ARFGEF2: variants seen among roughly 807,000 people sequenced by gnomAD.
ARFGEF2 encodes ARF guanine nucleotide exchange factor 2, also known as brefeldin A-inhibited guanine nucleotide-exchange protein 2.
In ARFGEF2, 74 loss-of-function variants were observed where a neutral mutation model predicts 219.9. That is an observed-to-expected ratio of 0.34 (90% CI 0.28 to 0.41). The LOEUF (loss-of-function observed/expected upper bound fraction) is 0.41, where lower values mean the gene tolerates loss of function less well. ARFGEF2 is among the 10% of genes least tolerant of loss of function. ARFGEF2 has a pLI of 1.00. For missense variants in ARFGEF2, 1,743 were observed against 2,218.3 expected, an observed-to-expected ratio of 0.79 and a Z score of 4.30; for synonymous variants, 733 against 799.2, an observed-to-expected ratio of 0.92 and a Z score of 1.40.
intron 21 of ARFGEF2, 115 bp downstream of exon 21, chr20:48,991,313 T>G: frequency 7.0e-7 from 1 of 1,434,110 alleles, no homozygotes; most frequent in South Asian, 1.2e-5. Context: ...TCACTGTACC[T>G]CATGTATCTG....
At chr20:48,982,532 G>A (rs1405864151) in intron 14 of ARFGEF2, among the ~76,000 whole-genome samples, 1 of 152,208 alleles carries the variant, frequency 6.6e-6, no homozygotes, top group African/African-American at 2.4e-5. Context: ...GCTGAGAGCT[G>A]TCAGACAGGG....
At chr20:49,032,971 C>A in intron 38 of ARFGEF2, 52 bp from the exon 39 acceptor site, 1 of 1,503,208 alleles carries the variant, frequency 6.7e-7, no homozygotes, top group Non-Finnish European at 9.2e-7. Context: ...AAAACTGGTG[C>A]CCAAAAAAAA....
rs770700652 is a variant in ARFGEF2 at position 48,941,924 on chromosome 20, A to T, written c.213A>T (p.Pro71=). Residue 71 remains proline (P), a synonymous_variant, in exon 3 of 39, where the codon CCA becomes CCT. Transcript: ENST00000371917. ...TTGAAGCTGACAAGTATTTTCTTCCATTCGAGCTAGCTTGCCAGTCCAAGT... is the reference window on the plus strand; with the variant it reads ...TTGAAGCTGACAAGTATTTTCTTCCTTTCGAGCTAGCTTGCCAGTCCAAGT... ...NFIEADKYFL[P]FELACQSKSP... is the part of the protein sequence containing the mutation. 4 of 1,614,204 alleles carry T rather than the reference A, an allele frequency of 2.5e-6. No individual in the cohort carries two copies. Among genetic ancestry groups the T allele is most frequent in the Non-Finnish European group, 3.4e-6 (4 of 1,180,042 alleles).
chr20:48,932,541 G>A (rs962855226), intron 1 of ARFGEF2, among the ~76,000 whole-genome samples: 2 of 152,196 alleles, frequency 1.3e-5, no homozygotes, highest in African/African-American at 2.4e-5. Flanking sequence ...TACAATCTAA[G>A]TTTGGGATTT....
In ARFGEF2 at chr20:49,025,347, C is replaced by T. The variant is rs368410119; in HGVS notation, c.4790C>T (p.Thr1597Met). ...DTLDADIHIE[T>M]EDQGMYKYMS... ...CTGGATGCAGATATCCACATAGAGACGGAGGATCAGGGCATGTATAAGTAC... is the reference window on the plus strand; with the variant it reads ...CTGGATGCAGATATCCACATAGAGATGGAGGATCAGGGCATGTATAAGTAC... The change falls in exon 36 of 39, where the codon ACG (threonine) becomes ATG (methionine). Residue 1597 changes from threonine (T) to methionine (M), a missense_variant. By Grantham distance (81) the Thr-to-Met change is moderately conservative. This residue lies in a region of ARFGEF2 where 578 missense variants were observed against 664.0 expected (regional missense o/e 0.87). Coordinates refer to ENST00000371917, the MANE Select transcript of ARFGEF2 (RefSeq NM_006420.3). 48 of 1,613,382 alleles carry T rather than the reference C, an allele frequency of 3.0e-5. No homozygotes were observed. Among genetic ancestry groups the T allele is most frequent in the African/African-American group, 9.3e-5 (7 of 74,934 alleles).
Position 48,966,248 on chromosome 20 carries a change from T to A in ARFGEF2, c.1059+225T>A, listed in dbSNP as rs2295026. ...ATTATTAAACCCTGTTTACTCAGAC[T>A]TCTAATACTTAAATTTCTTGCCACT... On this transcript the variant is annotated intron_variant, in intron 8 of 38. Coordinates refer to ENST00000371917, the MANE Select transcript of ARFGEF2 (RefSeq NM_006420.3). 0.22 allele frequency among the ~76,000 whole-genome samples: 32,830 copies of A among 152,140 alleles called. 3,669 individuals carry two copies. The highest frequency in any genetic ancestry group is 0.24 in the Non-Finnish European group (16,368 of 67,984).
At chr20:48,981,061 G>A (rs1183333839) in intron 14 of ARFGEF2, among the ~76,000 whole-genome samples, 2 of 152,178 alleles carry the variant, frequency 1.3e-5, no homozygotes, top group Non-Finnish European at 2.9e-5. Flanking sequence ...AGTTGATGCA[G>A]TTTCTTCCTA....
chr20:48,950,688 C>T (rs1338693357), intron 3 of ARFGEF2, among the ~76,000 whole-genome samples: 1 of 148,946 alleles, frequency 6.7e-6, no homozygotes, highest in African/African-American at 2.5e-5. Flanking sequence ...CCCAGCTACT[C>T]AAGAGGCTGA....
rs904532286 is a variant in ARFGEF2 at position 49,036,534 on chromosome 20, C to T, written c.*3335C>T. 6 of 290,286 alleles carry T rather than the reference C, an allele frequency of 2.1e-5. No homozygotes were observed. The East Asian group carries it at 2.3e-4, about 11-fold the overall frequency. The allele number at this position is 290,286 out of a possible 1,614,324, so 18.0% of individuals were successfully genotyped here. On this transcript the variant is annotated 3_prime_UTR_variant, in exon 39 of 39. Transcript: ENST00000371917. ...TTAATATTGGTAATTTAATGAAAAC[C>T]ATTCCTTGCCCAATGGATGTATAAA...
At chr20:48,966,321 A>G (rs2091186609) in intron 8 of ARFGEF2, among the ~76,000 whole-genome samples, 1 of 152,232 alleles carries the variant, frequency 6.6e-6, no homozygotes, top group Admixed American at 6.5e-5. Context: ...AAAATAAAAT[A>G]TATAGTTACC....
chr20:48,947,587 G>A lies in ARFGEF2; in HGVS notation c.277-3736G>A, dbSNP rs925152999. ...TATTAAAGTATATATATGGCCAGGC[G>A]CAGTAGCTCACGCCTGTAATCCCAG... On this transcript the variant is annotated intron_variant, in intron 3 of 38. Coordinates refer to ENST00000371917, the MANE Select transcript of ARFGEF2 (RefSeq NM_006420.3). Among the ~76,000 whole-genome samples the A allele has an allele frequency of 4.6e-5, 7 of 151,966 alleles. No individual in the cohort carries two copies. The East Asian group carries it at 1.2e-3, about 25-fold the overall frequency.
chr20:48,945,630 A>T (rs1347001348), intron 3 of ARFGEF2, among the ~76,000 whole-genome samples: 1 of 152,144 alleles, frequency 6.6e-6, no homozygotes, highest in Non-Finnish European at 1.5e-5. Flanking sequence ...TTGAGGCAGG[A>T]GGATCACTTG....
At chr20:48,924,224 T>G (rs1280897587) in intron 1 of ARFGEF2, among the ~76,000 whole-genome samples, 2 of 152,054 alleles carry the variant, frequency 1.3e-5, no homozygotes, top group Non-Finnish European at 2.9e-5. Context: ...GAAGAGAAAT[T>G]TGGGGCCAGG....
chr20:49,016,044 T>G (rs1600548182), intron 30 of ARFGEF2, among the ~76,000 whole-genome samples: 1 of 152,346 alleles, frequency 6.6e-6, no homozygotes, highest in Middle Eastern at 3.4e-3. Context: ...AATCTATGCG[T>G]TTTTTATTTA....
intron 7 of ARFGEF2, among the ~76,000 whole-genome samples, chr20:48,965,088 A>C (rs1344370902): frequency 6.6e-6 from 1 of 152,200 alleles, no homozygotes; most frequent in Admixed American, 6.5e-5. Context: ...TTCTTATAGA[A>C]ATGCCTGTAA....
chr20:48,929,249 C>T (rs116996290), intron 1 of ARFGEF2, among the ~76,000 whole-genome samples: 3 of 152,234 alleles, frequency 2.0e-5, no homozygotes, highest in Non-Finnish European at 4.4e-5. Flanking sequence ...AACAAGCCTT[C>T]TGGCTTGATA....
At chr20:49,012,193 G>T in intron 28 of ARFGEF2, 109 bp downstream of exon 28, 1 of 1,448,912 alleles carries the variant, frequency 6.9e-7, no homozygotes, top group Non-Finnish European at 9.6e-7. Flanking sequence ...AGAAATGTGT[G>T]TTTGCCCTAA....
intron 3 of ARFGEF2, among the ~76,000 whole-genome samples, chr20:48,950,823 T>A (rs1422832485): frequency 0.012 from 1,290 of 108,436 alleles, 16 homozygotes; most frequent in African/African-American, 0.032. Flanking sequence ...TATATATATA[T>A]ATATATATAT....
At chr20:49,016,096 C>T (rs1267246792) in intron 30 of ARFGEF2, among the ~76,000 whole-genome samples, 184 bp from the exon 31 acceptor site, 1 of 151,972 alleles carries the variant, frequency 6.6e-6, no homozygotes. Context: ...GGCATCATTA[C>T]CATAATTTTA....
Sources: allele counts gnomAD v4.1 joint callset (sites outside exome capture counted in the v4.1 genomes callset), GRCh38; gene constraint gnomAD v4.1.1; regional missense constraint gnomAD v4.1.1; transcripts MANE v1.5; gene names NCBI Gene and HGNC (gene_info 2026-07-23, HGNC 2026-07-21).